Variants in BRD1 observed in about 807,000 individuals in gnomAD.
BRD1 encodes the protein bromodomain-containing protein 1.
Under a neutral mutation model 107.7 loss-of-function variants are expected in BRD1, and 24 were observed. That is an observed-to-expected ratio of 0.22 (90% CI 0.16 to 0.31). The LOEUF (loss-of-function observed/expected upper bound fraction) is 0.31, where lower values mean the gene tolerates loss of function less well. Among genes scored for constraint, BRD1 ranks in the 10% least tolerant of loss-of-function variants. The probability of loss-of-function intolerance (pLI) is 1.00; values close to 1 mark genes in which losing one functional copy is unlikely to be tolerated. For synonymous variants in BRD1, 744 were observed against 686.1 expected (o/e 1.08, Z -1.32); for missense variants, 1,279 against 1,638.6 (o/e 0.78, Z 3.79).
intron 8 of BRD1, among the ~76,000 whole-genome samples, chr22:49,786,010 T>C (rs1203726896): frequency 6.6e-6 from 1 of 152,096 alleles, no homozygotes. Context: ...CCCGGCCTGG[T>C]GAGGCTCCAT....
rs1047940474 is a variant in BRD1, at chr22:49,783,617, G to A, written c.2857+3773C>T. ...CTGCAGCAGGCTCCCAGTCGGTGCC[G>A]GGCTCTCCTCTGCGTCCTTCGTGAC... is the stretch of plus-strand genomic sequence containing the variant. On this transcript the variant is annotated intron_variant, in intron 8 of 12. Transcript: ENST00000404760. This position sits in a 1 kb window ranked among gnomAD's most constrained non-coding sequence, Gnocchi z 4.2. 2.0e-5 allele frequency among the ~76,000 whole-genome samples: 3 copies of A among 152,180 alleles called. No individual in the cohort carries two copies. Among genetic ancestry groups the A allele is most frequent in the Admixed American group, 6.5e-5 (1 of 15,280 alleles).
At position 49,774,417 on chromosome 22, in the gene BRD1, CT is replaced by C; in HGVS notation, c.3387-2del. 1 of 1,597,014 alleles carries C rather than the reference CT, an allele frequency of 6.3e-7. No individual in the cohort carries two copies. The highest frequency in any genetic ancestry group is 8.6e-7 in the Non-Finnish European group (1 of 1,168,078). On this transcript the variant is annotated splice_acceptor_variant, in intron 12 of 12. Transcript: ENST00000404760. LOFTEE classifies it high-confidence loss of function. ...CATTTTGGACTTAGGAAGCCACTGCCTTTTTAAAAGGAAAAACAAGCGGAAA... is the reference window on the plus strand; with the variant it reads ...CATTTTGGACTTAGGAAGCCACTGCCTTTTAAAAGGAAAAACAAGCGGAAA...
In BRD1 at chr22:49,775,620, G is replaced by A. The variant is rs568530542; in HGVS notation, c.3357C>T (p.Leu1119=). Residue 1119 remains leucine (L), a synonymous_variant, in exon 12 of 13, where the codon CTC becomes CTT. Coordinates refer to ENST00000404760, the MANE Select transcript of BRD1 (RefSeq NM_001304808.3). ...MQTKSDEKLF[L]VLFFDNKRSW... is the part of the protein sequence containing the mutation. Reference sequence around the variant, plus strand: ...TTCTCTTATTATCAAAAAAGAGAACGAGGAACAGCTTCTCATCAGACTTGG... The same window carrying A: ...TTCTCTTATTATCAAAAAAGAGAACAAGGAACAGCTTCTCATCAGACTTGG... The A allele has an allele frequency of 2.1e-5, 34 of 1,611,344 alleles. No individual in the cohort carries two copies. Among genetic ancestry groups the A allele is most frequent in the East Asian group, 6.7e-5 (3 of 44,802 alleles).
Position 49,824,293 on chromosome 22 carries a change from G to A in BRD1, c.25C>T (p.Arg9Ter). 1.2e-6 allele frequency: 2 copies of A among 1,613,718 alleles called. No homozygotes were observed. Among genetic ancestry groups the A allele is most frequent in the Non-Finnish European group, 1.7e-6 (2 of 1,179,836 alleles). ...GAAGGATGCCTCGCTGCAGAGCCTC[G>A]ATGACATCGTCCTTTCCTCCTCATT... The part of the protein sequence containing the change: MRRKGRCH[R>*]GSAARHPSSP... The change falls in exon 2 of 13, where the codon CGA becomes TGA. Residue 9 changes from arginine (R) to a stop codon, truncating the protein, a stop_gained. Transcript: ENST00000404760. LOFTEE classifies it high-confidence loss of function. The surrounding 1 kb of genome is among the most constrained non-coding windows in gnomAD (Gnocchi z 5.9).
rs1306010227 is a variant in BRD1 at position 49,775,825 on chromosome 22, GCCTC to G, written c.3232-84_3232-81del. 31 of 944,670 alleles carry G rather than the reference GCCTC, an allele frequency of 3.3e-5. 1 individual carries two copies. Among genetic ancestry groups the G allele is most frequent in the Middle Eastern group, 4.4e-4 (1 of 2,262 alleles). 58.5% of individuals were successfully genotyped at this position (944,670 alleles called of 1,614,324 possible). A position where few individuals can be genotyped will look rare whatever the true frequency, so the allele number is the denominator to read the frequency against. On this transcript the variant is annotated intron_variant, in intron 11 of 12. Transcript: ENST00000404760. ...CCACCTGTCACTGGCACCCCCCCCC[GCCTC>G]CCCACCCCAGCTGTGTGAGCCTCCT...
chr22:49,810,327 T>C (rs2059826731), intron 2 of BRD1, among the ~76,000 whole-genome samples: 1 of 152,156 alleles, frequency 6.6e-6, no homozygotes, highest in African/African-American at 2.4e-5. Context: ...CAGAACAGCC[T>C]GGGCAACACA....
rs753034265 is a variant in BRD1, at chr22:49,774,251, G to A, written c.3552C>T (p.Asp1184=). 1.3e-5 allele frequency: 21 copies of A among 1,613,814 alleles called. No individual in the cohort carries two copies. Among genetic ancestry groups the A allele is most frequent in the Admixed American group, 6.7e-5 (4 of 59,988 alleles). The part of the protein sequence containing the change: ...LSRVHGEPTS[D]LSDID ...CGGGCCGTCAGTCAATGTCACTGAG[G>A]TCGCTGGTCGGCTCCCCGTGGACGC... The change falls in exon 13 of 13, where the codon GAC becomes GAT. Residue 1184 remains aspartate, a synonymous_variant. Transcript: ENST00000404760.
At chr22:49,817,760 C>A in intron 2 of BRD1, 1 of 172,562 alleles carries the variant, frequency 5.8e-6, no homozygotes, top group Non-Finnish European at 1.3e-5. Flanking sequence ...AGAGGATCTC[C>A]AGATGCAGCT....
intron 10 of BRD1, 62 bp from the exon 11 acceptor site, chr22:49,776,221 C>T: frequency 1.4e-6 from 2 of 1,463,288 alleles, no homozygotes. Context: ...GCCCCGCCCC[C>T]CCACAAAAGG....
chr22:49,824,157 A>T lies in BRD1; in HGVS notation c.161T>A (p.Phe54Tyr). ...TTCCAATATGATCTCCAGGGGATCA[A>T]AAATACTGATCCTGTGCAAGCGCCC... is the stretch of plus-strand genomic sequence containing the variant. ...IEGRLHRISI[F>Y]DPLEIILEDD... is the part of the protein sequence containing the mutation. Residue 54 changes from phenylalanine to tyrosine, a missense_variant, in exon 2 of 13, where the codon TTT (phenylalanine) becomes TAT (tyrosine). By Grantham distance (22) the Phe-to-Tyr change is conservative (BLOSUM62 3). Around this residue, in one of 7 missense-constraint regions of BRD1, gnomAD observed 223 missense variants for 263.5 expected, o/e 0.85. Coordinates refer to ENST00000404760, the MANE Select transcript of BRD1 (RefSeq NM_001304808.3). This position sits in a 1 kb window ranked among gnomAD's most constrained non-coding sequence, Gnocchi z 5.9. 6.2e-7 allele frequency: 1 copy of T among 1,614,002 alleles called. No homozygotes were observed. Among genetic ancestry groups the T allele is most frequent in the Non-Finnish European group, 8.5e-7 (1 of 1,180,038 alleles).
At chr22:49,819,138 T>C (rs559933295) in intron 2 of BRD1, among the ~76,000 whole-genome samples, 3 of 151,946 alleles carry the variant, frequency 2.0e-5, no homozygotes, top group East Asian at 3.9e-4. Context: ...CACACACCTG[T>C]AGTCCCAGCT....
At chr22:49,778,318 G>A (rs2059139846) in intron 8 of BRD1, among the ~76,000 whole-genome samples, 1 of 152,234 alleles carries the variant, frequency 6.6e-6, no homozygotes, top group South Asian at 2.1e-4. Flanking sequence ...AAAAACCTTG[G>A]TTCAAAAGAC....
chr22:49,812,378 A>C (rs2059866660), intron 2 of BRD1, among the ~76,000 whole-genome samples: 1 of 152,234 alleles, frequency 6.6e-6, no homozygotes, highest in South Asian at 2.1e-4. Flanking sequence ...ACTTTTATGG[A>C]GAAAACCATC....
Position 49,777,820 on chromosome 22 carries a change from C to A in BRD1, c.2858-7G>T. Reference sequence around the variant, plus strand: ...CCAAAGCCGTTGGTGAGACCTGGAACACAGGCGGGCAGGCCCTGAGCTCAG... The same window carrying A: ...CCAAAGCCGTTGGTGAGACCTGGAAAACAGGCGGGCAGGCCCTGAGCTCAG... On this transcript the variant is annotated splice_polypyrimidine_tract_variant and splice_region_variant and intron_variant, in intron 8 of 12. Transcript: ENST00000404760. The A allele has an allele frequency of 6.3e-7, 1 of 1,592,978 alleles. No homozygotes were observed. The highest frequency in any genetic ancestry group is 8.5e-7 in the Non-Finnish European group (1 of 1,173,788).
chr22:49,827,131 C>T (rs2060155376), intron 1 of BRD1, among the ~76,000 whole-genome samples: 1 of 151,418 alleles, frequency 6.6e-6, no homozygotes, highest in South Asian at 2.1e-4. Context: ...GGCGGCTGCC[C>T]GAGGCCCGAC....
chr22:49,823,084 G>A lies in BRD1; in HGVS notation c.1234C>T (p.Arg412Ter). 6.2e-7 allele frequency: 1 copy of A among 1,614,164 alleles called. No homozygotes were observed. Among genetic ancestry groups the A allele is most frequent in the Non-Finnish European group, 8.5e-7 (1 of 1,180,040 alleles). ...ACCGTTTTAACCGAGCTCTCTTTTC[G>A]ACAGACGCCATTTTTCATTTCGACA... ...GDVEMKNGVC[R>*]KESSVKTVRS... The change falls in exon 2 of 13, where the codon CGA (arginine) becomes TGA (stop). Residue 412 changes from arginine (R) to a stop codon, truncating the protein, a stop_gained. Coordinates refer to ENST00000404760, the MANE Select transcript of BRD1 (RefSeq NM_001304808.3). LOFTEE classifies it high-confidence loss of function.
chr22:49,818,386 A>G (rs1004625209), intron 2 of BRD1: 1 of 1,192,070 alleles, frequency 8.4e-7, no homozygotes, highest in African/African-American at 1.6e-5. Flanking sequence ...TGATGAACCT[A>G]GGAGTTTTGT....
At chr22:49,790,241 G>GA (rs2059407855) in intron 7 of BRD1, among the ~76,000 whole-genome samples, 1 of 152,022 alleles carries the variant, frequency 6.6e-6, no homozygotes, top group African/African-American at 2.4e-5. Context: ...CATAAAATCA[G>GA]AAAAAAACAG....
intron 4 of BRD1, 31 bp downstream of exon 4, chr22:49,798,957 T>A: frequency 1.3e-6 from 2 of 1,577,214 alleles, no homozygotes; most frequent in Non-Finnish European, 1.7e-6. Context: ...TGGCCAGTGG[T>A]GCACTCCACG....
Sources: allele counts gnomAD v4.1 joint callset (sites outside exome capture counted in the v4.1 genomes callset), GRCh38; gene constraint gnomAD v4.1.1; regional missense constraint gnomAD v4.1.1; non-coding constraint Gnocchi (gnomAD v3.1); transcripts MANE v1.5; gene names NCBI Gene and HGNC (gene_info 2026-07-23, HGNC 2026-07-21).